Variants in RBMS1 observed in about 807,000 individuals in gnomAD.
The protein encoded by RBMS1 is RNA binding motif single stranded interacting protein 1.
A neutral mutation model predicts 62.3 loss-of-function variants in RBMS1; 17 were observed. The ratio of observed to expected loss-of-function variants is 0.27; its 90% confidence interval spans 0.19 to 0.41. The LOEUF (loss-of-function observed/expected upper bound fraction) is 0.41. Among genes scored for constraint, RBMS1 ranks in the 10% least tolerant of loss-of-function variants. The pLI, the probability that RBMS1 is intolerant of heterozygous loss-of-function variation, is 1.00. For missense variants in RBMS1, 334 were observed against 504.5 expected (o/e 0.66, Z 3.24); for synonymous variants, 172 against 170.0 (o/e 1.01, Z -0.09).
chr2:160,415,030 A>T (rs1025567498), intron 1 of RBMS1, among the ~76,000 whole-genome samples: 1 of 152,174 alleles, frequency 6.6e-6, no homozygotes, highest in African/African-American at 2.4e-5. Flanking sequence ...GGATACCAAG[A>T]CAAAGAGAAG....
At chr2:160,361,551 C>A (rs981670794) in intron 2 of RBMS1, among the ~76,000 whole-genome samples, 1 of 152,142 alleles carries the variant, frequency 6.6e-6, no homozygotes, top group South Asian at 2.1e-4. Context: ...ACAAGTCAAA[C>A]GAATTTTTTT....
intron 2 of RBMS1, among the ~76,000 whole-genome samples, chr2:160,326,200 G>A (rs934162409): frequency 7.9e-5 from 12 of 152,156 alleles, no homozygotes; most frequent in African/African-American, 2.9e-4. Flanking sequence ...AGTCAAGAAA[G>A]GAGAGATCAA....
At chr2:160,367,027 G>A (rs1693436060) in intron 2 of RBMS1, 189 bp downstream of exon 2, 3 of 434,366 alleles carry the variant, frequency 6.9e-6, no homozygotes, top group Non-Finnish European at 7.9e-6. Flanking sequence ...TATGTAGCCA[G>A]TCTGATGATG....
chr2:160,291,748 C>A (rs957829863), intron 6 of RBMS1, among the ~76,000 whole-genome samples: 4 of 152,142 alleles, frequency 2.6e-5, no homozygotes, highest in African/African-American at 4.8e-5. Context: ...TTTGCTCCTG[C>A]TGGGTTTGAG....
At chr2:160,407,722 C>T (rs574666247) in intron 1 of RBMS1, 10,239 of 981,472 alleles carry the variant, frequency 0.01, 55 homozygotes, top group Non-Finnish European at 0.012. Flanking sequence ...CCTTCGACCT[C>T]CGCACTCGCC....
intron 1 of RBMS1, among the ~76,000 whole-genome samples, chr2:160,411,493 A>G (rs1464283774): frequency 6.6e-6 from 1 of 152,180 alleles, no homozygotes; most frequent in African/African-American, 2.4e-5. Flanking sequence ...TAAGACTTAC[A>G]ACAGCCCCTC....
intron 3 of RBMS1, among the ~76,000 whole-genome samples, chr2:160,315,275 T>C (rs1256221494): frequency 2.6e-5 from 4 of 152,222 alleles, no homozygotes; most frequent in Admixed American, 6.5e-5. Flanking sequence ...TATGCAACCT[T>C]GTGCTCTTTC....
At chr2:160,400,876 G>C (rs1380045245) in intron 1 of RBMS1, among the ~76,000 whole-genome samples, 1 of 152,054 alleles carries the variant, frequency 6.6e-6, no homozygotes, top group Non-Finnish European at 1.5e-5. Flanking sequence ...CAAAACTCAG[G>C]CATTAGAAAC....
chr2:160,299,084 G>T (rs1231670661), intron 6 of RBMS1, among the ~76,000 whole-genome samples: 1 of 148,906 alleles, frequency 6.7e-6, no homozygotes, highest in Non-Finnish European at 1.5e-5. Flanking sequence ...CTCAGCTTGT[G>T]GTACTTTGTT....
chr2:160,460,202 T>C (rs1442098923), intron 1 of RBMS1, among the ~76,000 whole-genome samples: 1 of 152,046 alleles, frequency 6.6e-6, no homozygotes, highest in Non-Finnish European at 1.5e-5. Context: ...TTGCTTTTTG[T>C]GGGGAATAGG....
intron 1 of RBMS1, chr2:160,407,754 G>C: frequency 1.0e-6 from 1 of 981,300 alleles, no homozygotes; most frequent in Non-Finnish European, 1.2e-6. Flanking sequence ...CGCGGCAGCG[G>C]GCGAGACTCG....
At chr2:160,374,228 C>T (rs1201615609) in intron 1 of RBMS1, among the ~76,000 whole-genome samples, 1 of 152,150 alleles carries the variant, frequency 6.6e-6, no homozygotes, top group Non-Finnish European at 1.5e-5. Context: ...GCACTCCAGC[C>T]TGGGTAACAG....
chr2:160,291,951 A>G (rs116598695), intron 6 of RBMS1, among the ~76,000 whole-genome samples: 2,154 of 152,268 alleles, frequency 0.014, 31 homozygotes, highest in Non-Finnish European at 0.023. Flanking sequence ...ATGTAGAGCC[A>G]TTTATTTTTC....
chr2:160,283,681 ATATACTCT>A (rs1688221266), intron 9 of RBMS1: 1 of 152,224 alleles, frequency 6.6e-6, no homozygotes, highest in Admixed American at 6.5e-5. Context: ...CGTATAACTA[ATATACTCT>A]TATTATCAGC....
chr2:160,324,882 G>GTATGTATATATATATATATATATATATA (rs1690808529), intron 2 of RBMS1, among the ~76,000 whole-genome samples: 2 of 100,016 alleles, frequency 2.0e-5, no homozygotes, highest in Admixed American at 1.0e-4. Flanking sequence ...GTGTGTGTGT[G>GTATGTATATATATATATATATATATATA]TATATATATA....
rs1345425663 is a variant in RBMS1 at position 160,493,413 on chromosome 2, C to T, written c.-50G>A. 6.3e-7 allele frequency: 1 copy of T among 1,581,082 alleles called. No homozygotes were observed. Among genetic ancestry groups the T allele is most frequent in the Admixed American group, 1.7e-5 (1 of 59,828 alleles). On this transcript the variant is annotated 5_prime_UTR_variant, in exon 1 of 14. Coordinates refer to ENST00000348849, the MANE Select transcript of RBMS1 (RefSeq NM_016836.4). ...CAGGGTCGCGGACACTTTGGGGTTTCCAAGTCTCGGGCTCTCCTGCCTCTC... is the reference window on the plus strand; with the variant it reads ...CAGGGTCGCGGACACTTTGGGGTTTTCAAGTCTCGGGCTCTCCTGCCTCTC...
At chr2:160,454,209 A>T (rs1450594363) in intron 1 of RBMS1, among the ~76,000 whole-genome samples, 1 of 152,236 alleles carries the variant, frequency 6.6e-6, no homozygotes, top group Admixed American at 6.5e-5. Context: ...TGAGAGGTAG[A>T]CTGTTTAAAC....
chr2:160,360,045 A>G (rs1218876643), intron 2 of RBMS1, among the ~76,000 whole-genome samples: 1 of 152,162 alleles, frequency 6.6e-6, no homozygotes, highest in Non-Finnish European at 1.5e-5. Context: ...TGATCACACC[A>G]CTGCACTCCA....
chr2:160,464,313 A>G (rs1486780854), intron 1 of RBMS1, among the ~76,000 whole-genome samples: 2 of 152,260 alleles, frequency 1.3e-5, no homozygotes, highest in Non-Finnish European at 2.9e-5. Flanking sequence ...CTACTATGCA[A>G]CAAAATGAAT....
Sources: gnomAD v4.1 joint callset for allele counts (sites outside exome capture counted in the v4.1 genomes callset) on GRCh38, gnomAD v4.1.1 for gene constraint, MANE v1.5 for transcripts, NCBI Gene and HGNC (gene_info 2026-07-23, HGNC 2026-07-21) for gene names.